The following NEK10 variants were observed in gnomAD, a reference collection of about 807,000 sequenced individuals.
The protein encoded by NEK10 is NIMA related kinase 10.
NEK10 carries 122 observed loss-of-function variants against 159.8 expected under a neutral mutation model. The observed-to-expected ratio is 0.76, with a 90% CI of 0.66 to 0.89. The LOEUF is 0.89. Ranked by LOEUF, NEK10 falls within the 40% of genes least tolerant of loss-of-function variation. The pLI, the probability that NEK10 is intolerant of heterozygous loss-of-function variation, is 0.00. For missense variants in NEK10, 1,342 were observed against 1,323.1 expected (o/e 1.01, Z -0.22); for synonymous variants, 466 against 457.1 (o/e 1.02, Z -0.25).
At chr3:27,156,257 C>T (rs1296740065) in intron 30 of NEK10, among the ~76,000 whole-genome samples, 5 of 151,732 alleles carry the variant, frequency 3.3e-5, no homozygotes, top group Non-Finnish European at 7.4e-5. Context: ...ATTTAATGAC[C>T]AAGAAACTAA....
intron 5 of NEK10, among the ~76,000 whole-genome samples, chr3:27,323,883 T>C (rs2045826763): frequency 6.6e-6 from 1 of 152,132 alleles, no homozygotes; most frequent in Admixed American, 6.5e-5. Flanking sequence ...TCAGAGGTGG[T>C]CACAAGGCCT....
intron 26 of NEK10, among the ~76,000 whole-genome samples, chr3:27,178,238 T>A (rs887445335): frequency 1.1e-4 from 17 of 152,218 alleles, no homozygotes; most frequent in Non-Finnish European, 1.6e-4. Context: ...ATAGCAATTC[T>A]AACAGTAACA....
chr3:27,338,083 A>G (rs887174077), intron 5 of NEK10, among the ~76,000 whole-genome samples: 17 of 151,912 alleles, frequency 1.1e-4, no homozygotes, highest in African/African-American at 4.1e-4. Context: ...TCCTAATGCT[A>G]TCCCTCTCCC....
At chr3:27,310,848 AT>A (rs2044635017) in intron 9 of NEK10, 100 bp downstream of exon 9, 2 of 672,782 alleles carry the variant, frequency 3.0e-6, no homozygotes, top group East Asian at 5.4e-5. Flanking sequence ...AGGTTTGTGG[AT>A]TCTAATTACA....
chr3:27,169,726 C>G (rs1484592654), intron 29 of NEK10, among the ~76,000 whole-genome samples: 1 of 152,134 alleles, frequency 6.6e-6, no homozygotes, highest in Non-Finnish European at 1.5e-5. Context: ...TTATGTGATT[C>G]CCAGCACCCT....
intron 15 of NEK10, 143 bp downstream of exon 15, chr3:27,295,470 T>C: frequency 1.1e-6 from 1 of 936,278 alleles, no homozygotes; most frequent in Non-Finnish European, 1.4e-6. Flanking sequence ...TCCATGCCAG[T>C]CTTCCTTGCC....
At chr3:27,265,534 T>C (rs1480018300) in intron 22 of NEK10, 1 of 152,206 alleles carries the variant, frequency 6.6e-6, no homozygotes, top group Non-Finnish European at 1.5e-5. Flanking sequence ...CTTATTTGTG[T>C]TGAACACTTT....
chr3:27,267,940 G>A (rs1178398453), intron 22 of NEK10, among the ~76,000 whole-genome samples: 1 of 152,200 alleles, frequency 6.6e-6, no homozygotes, highest in Non-Finnish European at 1.5e-5. Flanking sequence ...AATTAAAAGT[G>A]CTACTCAGTG....
rs570869607 is a variant in NEK10, at chr3:27,173,604, T to C, written c.2776+835A>G. Among the ~76,000 whole-genome samples the C allele has an allele frequency of 2.6e-5, 4 of 152,314 alleles. No individual in the cohort carries two copies. In the South Asian group the frequency reaches 6.2e-4, roughly 24 times the overall value. ...AAGGACAAAGAATGTAGCTAAATCC[T>C]TAGGGTTCTACTTTGATCCTTAGAG... is the stretch of plus-strand genomic sequence containing the variant. On this transcript the variant is annotated intron_variant, in intron 28 of 35. Transcript: ENST00000691995.
intron 16 of NEK10, among the ~76,000 whole-genome samples, chr3:27,292,202 A>G (rs892169715): frequency 5.9e-5 from 9 of 152,182 alleles, no homozygotes; most frequent in Admixed American, 1.3e-4. Flanking sequence ...TAATATTTTT[A>G]CCATAATTTA....
At chr3:27,334,438 C>G (rs1472553769) in intron 5 of NEK10, among the ~76,000 whole-genome samples, 1 of 152,204 alleles carries the variant, frequency 6.6e-6, no homozygotes, top group Non-Finnish European at 1.5e-5. Flanking sequence ...AGAATAGACC[C>G]AACTGGACCT....
At chr3:27,171,271 A>G (rs150313528) in intron 29 of NEK10, among the ~76,000 whole-genome samples, 30 of 152,324 alleles carry the variant, frequency 2.0e-4, no homozygotes, top group African/African-American at 6.0e-4. Flanking sequence ...TCTCTCAAAC[A>G]TATTTCACCA....
At chr3:27,300,228 A>G (rs1356826456) in intron 13 of NEK10, among the ~76,000 whole-genome samples, 1 of 152,196 alleles carries the variant, frequency 6.6e-6, no homozygotes, top group African/African-American at 2.4e-5. Context: ...TGTTCTCATG[A>G]TAGTGAATGA....
intron 3 of NEK10, among the ~76,000 whole-genome samples, 172 bp downstream of exon 3, chr3:27,352,293 T>C (rs906873601): frequency 6.6e-6 from 1 of 152,130 alleles, no homozygotes; most frequent in African/African-American, 2.4e-5. Context: ...ATGCCAAATC[T>C]TGGCAAAGCC....
intron 23 of NEK10, among the ~76,000 whole-genome samples, chr3:27,249,438 C>A (rs1575442467): frequency 6.6e-6 from 1 of 152,100 alleles, no homozygotes; most frequent in African/African-American, 2.4e-5. Flanking sequence ...ATTGTTATAT[C>A]TTCTTGCTGA....
chr3:27,282,581 ATACATAACTGTGT>A (rs1397269285), intron 22 of NEK10, among the ~76,000 whole-genome samples: 69 of 110,252 alleles, frequency 6.3e-4, no homozygotes, highest in African/African-American at 8.7e-4. Flanking sequence ...TTATATATAT[ATACATAACTGTGT>A]TATATATATA....
chr3:27,150,649 A>G (rs1581405), intron 30 of NEK10, among the ~76,000 whole-genome samples: 150,574 of 152,336 alleles, frequency 0.99, 74,417 homozygotes, highest in East Asian at 1. Flanking sequence ...CTGTGATGAG[A>G]AGGTACAGGA....
intron 23 of NEK10, among the ~76,000 whole-genome samples, chr3:27,226,710 T>C (rs1952683894): frequency 6.6e-6 from 1 of 152,034 alleles, no homozygotes; most frequent in South Asian, 2.1e-4. Context: ...AATGCACATA[T>C]CTAATATTAA....
Position 27,279,495 on chromosome 3 carries a change from G to A in NEK10, c.2014+5107C>T, listed in dbSNP as rs187613931. 5.3e-3 allele frequency among the ~76,000 whole-genome samples: 799 copies of A among 151,998 alleles called. 4 individuals are homozygous for A. The highest frequency in any genetic ancestry group is 8.0e-3 in the Non-Finnish European group (544 of 67,994). On this transcript the variant is annotated intron_variant, in intron 22 of 35. Transcript: ENST00000691995. ...ACTTACTTTTAAATTAATGCTGCAG[G>A]GTTTTAATTTAACCATAATCCCTCT...
Sources: allele counts gnomAD v4.1 joint callset (sites outside exome capture counted in the v4.1 genomes callset), GRCh38; gene constraint gnomAD v4.1.1; transcripts MANE v1.5; gene names NCBI Gene and HGNC (gene_info 2026-07-23, HGNC 2026-07-21).